MECOM: variants seen among roughly 807,000 people sequenced by gnomAD.
MECOM encodes histone-lysine N-methyltransferase MECOM.
In MECOM, 13 loss-of-function variants were observed where a neutral mutation model predicts 116.3. The observed-to-expected ratio is 0.11, with a 90% CI of 0.07 to 0.18. MECOM has a LOEUF of 0.18. Among genes scored for constraint, MECOM ranks in the 10% least tolerant of loss-of-function variants. The pLI is 1.00. For missense variants in MECOM, 1,299 were observed against 1,509.0 expected (o/e 0.86, Z 2.31); for synonymous variants, 528 against 535.2 (o/e 0.99, Z 0.19).
At chr3:169,432,141 T>C (rs1033240875) in intron 1 of MECOM, among the ~76,000 whole-genome samples, 1 of 151,894 alleles carries the variant, frequency 6.6e-6, no homozygotes, top group Non-Finnish European at 1.5e-5. Context: ...AGTTCCACTG[T>C]CATTTTTGTG....
At chr3:169,228,734 C>A (rs1002833512) in intron 2 of MECOM, among the ~76,000 whole-genome samples, 1 of 152,192 alleles carries the variant, frequency 6.6e-6, no homozygotes, top group Non-Finnish European at 1.5e-5. Flanking sequence ...TGGTGTGAGT[C>A]TAAAAGTGTT....
intron 2 of MECOM, among the ~76,000 whole-genome samples, chr3:169,328,808 G>A (rs1722274146): frequency 6.6e-6 from 1 of 152,132 alleles, no homozygotes. Context: ...TCGCTTATAA[G>A]ATAGAGAATT....
chr3:169,261,735 G>A (rs546601843), intron 2 of MECOM, among the ~76,000 whole-genome samples: 1,903 of 123,188 alleles, frequency 0.015, 21 homozygotes, highest in Non-Finnish European at 0.023. Flanking sequence ...GAAGGAGAAG[G>A]AGAAGGAGAA....
At chr3:169,242,712 G>A (rs1560036341) in intron 2 of MECOM, among the ~76,000 whole-genome samples, 1 of 152,136 alleles carries the variant, frequency 6.6e-6, no homozygotes, top group Non-Finnish European at 1.5e-5. Context: ...CCAGTCAGCT[G>A]GGAGTTTTAG....
At chr3:169,599,264 C>T (rs1204410569) in intron 1 of MECOM, among the ~76,000 whole-genome samples, 1 of 152,112 alleles carries the variant, frequency 6.6e-6, no homozygotes, top group African/African-American at 2.4e-5. Flanking sequence ...GCCTGTAATC[C>T]CAGCACTTTG....
At chr3:169,623,461 A>G (rs1770990902) in intron 1 of MECOM, among the ~76,000 whole-genome samples, 1 of 152,228 alleles carries the variant, frequency 6.6e-6, no homozygotes. Context: ...ATAAAAATAA[A>G]AAGCCAGTAA....
chr3:169,339,113 A>G lies in MECOM; in HGVS notation c.375+42074T>C, dbSNP rs1724055225. ...GAAATAATGTAGGTCGTTAGCATCT[A>G]CAATGCCTAAAACACAGTACGCATT... On this transcript the variant is annotated intron_variant, in intron 2 of 16. Transcript: ENST00000651503. Among the ~76,000 whole-genome samples the G allele has an allele frequency of 2.0e-5, 3 of 152,220 alleles. 1 individual carries two copies. Among genetic ancestry groups the G allele is most frequent in the Admixed American group, 2.0e-4 (3 of 15,276 alleles).
In MECOM at chr3:169,112,774, C is replaced by A. The variant is rs375677862; in HGVS notation, c.2577+13G>T. The A allele has an allele frequency of 1.7e-5, 27 of 1,604,046 alleles. No individual in the cohort carries two copies. Among genetic ancestry groups the A allele is most frequent in the Non-Finnish European group, 2.2e-5 (26 of 1,173,284 alleles). On this transcript the variant is annotated intron_variant, in intron 9 of 16. Transcript: ENST00000651503. ...AGTTTACAAGCTGGAAATCTCAAAT[C>A]CAAAATACTTACTTGTGGGTGAAAC... is the stretch of plus-strand genomic sequence containing the variant.
chr3:169,265,404 A>T (rs1256342820), intron 2 of MECOM, among the ~76,000 whole-genome samples: 1 of 152,234 alleles, frequency 6.6e-6, no homozygotes, highest in Non-Finnish European at 1.5e-5. Flanking sequence ...CCTTCTCTAT[A>T]GCAAGAAAGT....
chr3:169,107,655 T>C (rs956087981), intron 10 of MECOM, among the ~76,000 whole-genome samples: 2 of 152,172 alleles, frequency 1.3e-5, no homozygotes, highest in Non-Finnish European at 2.9e-5. Context: ...TTCCCAGGTG[T>C]CCAGAAAGAG....
intron 2 of MECOM, among the ~76,000 whole-genome samples, chr3:169,189,703 G>A (rs1160994517): frequency 3.3e-5 from 5 of 151,928 alleles, no homozygotes; most frequent in Admixed American, 3.3e-4. Context: ...TTAAGAGTAT[G>A]TACACAAACT....
rs1198247227 is a variant in MECOM, at chr3:169,370,885, G to GA, written c.375+10301dup. On this transcript the variant is annotated intron_variant, in intron 2 of 16. Transcript: ENST00000651503. ...TGACTGTTATTGGCGAAGATGTGGA[G>GA]AAAAGGGGCTCTTTATATACTGTTG... Among the ~76,000 whole-genome samples, 9 of 152,002 alleles carry GA rather than the reference G, an allele frequency of 5.9e-5. No homozygotes were observed. The East Asian group carries it at 1.8e-3, about 30-fold the overall frequency.
chr3:169,387,564 T>C (rs2108315323), intron 1 of MECOM, among the ~76,000 whole-genome samples: 1 of 152,338 alleles, frequency 6.6e-6, no homozygotes, highest in South Asian at 2.1e-4. Flanking sequence ...TTCACATTAG[T>C]TCATTGATAG....
intron 2 of MECOM, among the ~76,000 whole-genome samples, chr3:169,268,865 A>C (rs1758605557): frequency 1.3e-5 from 2 of 152,050 alleles, no homozygotes; most frequent in Non-Finnish European, 2.9e-5. Flanking sequence ...TCACAGACCC[A>C]GTGTTTGTTT....
chr3:169,248,648 T>C (rs758350413), intron 2 of MECOM, among the ~76,000 whole-genome samples: 6 of 152,164 alleles, frequency 3.9e-5, no homozygotes, highest in Non-Finnish European at 7.4e-5. Flanking sequence ...TGACCATATT[T>C]GGAGATAGGA....
At chr3:169,396,321 C>T (rs181518870) in intron 1 of MECOM, among the ~76,000 whole-genome samples, 1 of 152,234 alleles carries the variant, frequency 6.6e-6, no homozygotes, top group Non-Finnish European at 1.5e-5. Flanking sequence ...TTTCTTTATT[C>T]ATATTTGATG....
chr3:169,637,378 G>T (rs1409092395), intron 1 of MECOM, among the ~76,000 whole-genome samples: 1 of 152,126 alleles, frequency 6.6e-6, no homozygotes, highest in Non-Finnish European at 1.5e-5. Flanking sequence ...TAAGTTTAGG[G>T]TTGATTTGTT....
chr3:169,381,289 T>C lies in MECOM; in HGVS notation c.273A>G (p.Gly91=), dbSNP rs146552560. The C allele has an allele frequency of 4.1e-4, 660 of 1,613,882 alleles. 4 individuals are homozygous for C. The highest frequency in any genetic ancestry group is 2.3e-3 in the South Asian group (206 of 91,080). ...ELRESNMPGA[G]LGIWTKRKIE... is the part of the protein sequence containing the mutation. ...TCTTCCTTTTGGTCCATATTCCTAG[T>C]CCTGCCCCAGGCATATTTGACTCTC... is the stretch of plus-strand genomic sequence containing the variant. Residue 91 remains glycine, a synonymous_variant, in exon 2 of 17, where the codon GGA becomes GGG. Coordinates refer to ENST00000651503, the MANE Select transcript of MECOM (RefSeq NM_004991.4).
intron 2 of MECOM, among the ~76,000 whole-genome samples, chr3:169,313,656 C>G (rs1002494487): frequency 2.0e-5 from 3 of 152,134 alleles, no homozygotes; most frequent in Non-Finnish European, 4.4e-5. Context: ...TCATCTTAGT[C>G]TAGCTCCTCA....
Sources: gnomAD v4.1 joint callset for allele counts (sites outside exome capture counted in the v4.1 genomes callset) on GRCh38, gnomAD v4.1.1 for gene constraint, MANE v1.5 for transcripts, NCBI Gene and HGNC (gene_info 2026-07-23, HGNC 2026-07-21) for gene names.